The following FOLH1 variants were observed in gnomAD, a reference collection of about 807,000 sequenced individuals.
FOLH1 encodes the protein glutamate carboxypeptidase 2.
FOLH1 carries 54 observed loss-of-function variants against 93.9 expected under a neutral mutation model. The observed-to-expected ratio is 0.57, with a 90% CI of 0.46 to 0.72. The LOEUF (loss-of-function observed/expected upper bound fraction) is 0.72. Among genes scored for constraint, FOLH1 ranks in the 30% least tolerant of loss-of-function variants. The probability of loss-of-function intolerance (pLI) is 0.00; values close to 1 mark genes in which losing one functional copy is unlikely to be tolerated. For synonymous variants in FOLH1, 249 were observed against 303.6 expected, an observed-to-expected ratio of 0.82 and a Z score of 1.87; for missense variants, 571 against 892.5, an observed-to-expected ratio of 0.64 and a Z score of 4.59.
At chr11:49,199,083 G>A (rs1350967634) in intron 3 of FOLH1, among the ~76,000 whole-genome samples, 2 of 151,790 alleles carry the variant, frequency 1.3e-5, no homozygotes, top group Non-Finnish European at 2.9e-5. Flanking sequence ...AATAAAAGGA[G>A]GTTATTGACC....
intron 15 of FOLH1, among the ~76,000 whole-genome samples, chr11:49,156,392 C>T (rs990577491): frequency 6.6e-6 from 1 of 152,078 alleles, no homozygotes; most frequent in Non-Finnish European, 1.5e-5. Context: ...AGGGTGAAAT[C>T]AAAGACAATT....
intron 7 of FOLH1, among the ~76,000 whole-genome samples, chr11:49,180,380 A>G (rs1004260665): frequency 6.6e-6 from 1 of 152,208 alleles, no homozygotes; most frequent in African/African-American, 2.4e-5. Flanking sequence ...GGGTACATGT[A>G]AAGAAAAATA....
chr11:49,189,162 C>T (rs972907386), intron 4 of FOLH1, among the ~76,000 whole-genome samples: 1 of 152,128 alleles, frequency 6.6e-6, no homozygotes, highest in African/African-American at 2.4e-5. Flanking sequence ...TCACGACAGG[C>T]TAGCTTTCAA....
intron 2 of FOLH1, among the ~76,000 whole-genome samples, chr11:49,202,767 T>C (rs1290746168): frequency 1.3e-5 from 2 of 152,150 alleles, no homozygotes; most frequent in African/African-American, 4.8e-5. Context: ...TAGTAAAAGG[T>C]GGAATTAGCT....
At position 49,173,575 on chromosome 11, in the gene FOLH1, CAGA is replaced by C. The variant is rs1565167247; in HGVS notation, c.1106-102_1106-100del. The C allele has an allele frequency of 1.3e-3, 827 of 654,426 alleles. 19 individuals are homozygous for C. The highest frequency in any genetic ancestry group is 2.9e-3 in the South Asian group (41 of 14,266). 40.5% of individuals were successfully genotyped at this position (654,426 alleles called of 1,614,324 possible). ...ATCTAAATACAAAGCACTCACGCCTCAGAAAAAAAAAAAAGGCTAGGTTCCCCA... is the reference window on the plus strand; with the variant it reads ...ATCTAAATACAAAGCACTCACGCCTCAAAAAAAAAAAGGCTAGGTTCCCCA... On this transcript the variant is annotated intron_variant, in intron 9 of 18. Transcript: ENST00000256999.
intron 2 of FOLH1, among the ~76,000 whole-genome samples, chr11:49,202,111 C>T (rs1364515066): frequency 6.6e-6 from 1 of 152,106 alleles, no homozygotes; most frequent in East Asian, 1.9e-4. Flanking sequence ...CAGTATGTAA[C>T]CCTAGCTGTG....
chr11:49,185,783 C>T lies in FOLH1; in HGVS notation c.712G>A (p.Gly238Arg). The T allele has an allele frequency of 6.2e-7, 1 of 1,608,724 alleles. No individual in the cohort carries two copies. The highest frequency in any genetic ancestry group is 8.5e-7 in the Non-Finnish European group (1 of 1,178,198). Reference sequence around the variant, plus strand: ...CAACCATCTGGATAGGACTTCACCCCAGGAGCAAAGTAGTCAGCAGGGTCG... The same window carrying T: ...CAACCATCTGGATAGGACTTCACCCTAGGAGCAAAGTAGTCAGCAGGGTCG... Reference protein sequence around the residue: ...YSDPADYFAPGVKSYPDGWNL... With the variant: ...YSDPADYFAPRVKSYPDGWNL... Residue 238 changes from glycine (G) to arginine (R), a missense_variant, in exon 6 of 19, where the codon GGG becomes AGG. Gly to Arg is a moderately radical substitution (Grantham distance 125, BLOSUM62 -2). Around this residue, in one of 2 missense-constraint regions of FOLH1, gnomAD observed 500 missense variants for 822.9 expected, o/e 0.61. Coordinates refer to ENST00000256999, the MANE Select transcript of FOLH1 (RefSeq NM_004476.3).
intron 3 of FOLH1, among the ~76,000 whole-genome samples, chr11:49,194,597 C>T (rs1226674911): frequency 6.6e-6 from 1 of 151,488 alleles, no homozygotes; most frequent in Admixed American, 6.6e-5. Flanking sequence ...GTAAAATTCA[C>T]ACTAGAGGAA....
chr11:49,191,780 C>T (rs995180671), intron 4 of FOLH1, among the ~76,000 whole-genome samples: 1 of 152,214 alleles, frequency 6.6e-6, no homozygotes, highest in African/African-American at 2.4e-5. Flanking sequence ...TCACTGCAAG[C>T]TCCGCCTCCC....
intron 1 of FOLH1, chr11:49,206,635 T>A (rs1020735961): frequency 4.6e-5 from 30 of 653,172 alleles, no homozygotes; most frequent in African/African-American, 2.5e-4. Context: ...ATAAATAAAT[T>A]ATTTCCAAGT....
At chr11:49,183,116 C>G (rs368097967) in intron 7 of FOLH1, 33 bp downstream of exon 7, 1 of 1,547,534 alleles carries the variant, frequency 6.5e-7, no homozygotes, top group African/African-American at 1.4e-5. Context: ...GAAAATTACC[C>G]AAATAGCCAT....
At chr11:49,180,889 T>C (rs542760526) in intron 7 of FOLH1, among the ~76,000 whole-genome samples, 14 of 152,294 alleles carry the variant, frequency 9.2e-5, no homozygotes, top group African/African-American at 2.9e-4. Flanking sequence ...ATTGTATTTG[T>C]AAAATGGCTT....
At position 49,146,751 on chromosome 11, in the gene FOLH1, T is replaced by A. The variant is rs773315602; in HGVS notation, c.*5A>T. On this transcript the variant is annotated 3_prime_UTR_variant, in exon 19 of 19. Coordinates refer to ENST00000256999, the MANE Select transcript of FOLH1 (RefSeq NM_004476.3). ...AATTCAATACGGATTCTCTAAAGAATCCTCTTAGGCTACTTCACTCAAAGT... is the reference window on the plus strand; with the variant it reads ...AATTCAATACGGATTCTCTAAAGAAACCTCTTAGGCTACTTCACTCAAAGT... 1 of 1,596,802 alleles carries A rather than the reference T, an allele frequency of 6.3e-7. No individual in the cohort carries two copies.
chr11:49,182,554 T>C lies in FOLH1; in HGVS notation c.920+595A>G, dbSNP rs867275379. The stretch of plus-strand genomic sequence containing the variant: ...TCTGGGTCCTCCCAGACGTAGCCAG[T>C]AAGAGGAATACATGAGTAAGAGATT... On this transcript the variant is annotated intron_variant, in intron 7 of 18. Coordinates refer to ENST00000256999, the MANE Select transcript of FOLH1 (RefSeq NM_004476.3). Among the ~76,000 whole-genome samples the C allele has an allele frequency of 3.3e-5, 5 of 152,136 alleles. No homozygotes were observed. In the South Asian group the frequency reaches 1.0e-3, roughly 32 times the overall value.
chr11:49,172,360 T>A (rs1859437456), intron 10 of FOLH1, among the ~76,000 whole-genome samples: 1 of 152,146 alleles, frequency 6.6e-6, no homozygotes. Context: ...AAAAAAGAAC[T>A]GAGCGCCTTT....
chr11:49,155,315 C>T (rs1307886697), intron 15 of FOLH1, among the ~76,000 whole-genome samples: 1 of 151,880 alleles, frequency 6.6e-6, no homozygotes, highest in Non-Finnish European at 1.5e-5. Flanking sequence ...AATATTTATC[C>T]TCACTATCAC....
chr11:49,154,197 T>A (rs762928518), intron 16 of FOLH1, 31 bp downstream of exon 16: 2 of 1,610,010 alleles, frequency 1.2e-6, no homozygotes, highest in South Asian at 1.1e-5. Flanking sequence ...ACCATACAGA[T>A]GAGGAATTTG....
chr11:49,156,882 A>G, intron 14 of FOLH1, 75 bp from the exon 15 acceptor site: 1 of 1,596,188 alleles, frequency 6.3e-7, no homozygotes, highest in Non-Finnish European at 8.6e-7. Context: ...CCATTAAACT[A>G]AACCCCATTC....
Position 49,185,813 on chromosome 11 carries a change from A to T in FOLH1, c.682T>A (p.Tyr228Asn). 6.3e-7 allele frequency: 1 copy of T among 1,598,026 alleles called. No homozygotes were observed. The highest frequency in any genetic ancestry group is 1.4e-5 in the African/African-American group (1 of 74,040). Residue 228 changes from tyrosine to asparagine, a missense_variant, in exon 6 of 19, where the codon TAC becomes AAC. Coordinates refer to ENST00000256999, the MANE Select transcript of FOLH1 (RefSeq NM_004476.3). ...GCAAAGTAGTCAGCAGGGTCGGAGT[A>T]GAGAATGACTCCTTTGGCCCCTGCC... ...QLAGAKGVIL[Y>N]SDPADYFAPG...
Sources: allele counts gnomAD v4.1 joint callset (sites outside exome capture counted in the v4.1 genomes callset), GRCh38; gene constraint gnomAD v4.1.1; regional missense constraint gnomAD v4.1.1; transcripts MANE v1.5; gene names NCBI Gene and HGNC (gene_info 2026-07-23, HGNC 2026-07-21).